PIEZO1: variants seen among roughly 807,000 people sequenced by gnomAD.
PIEZO1 encodes piezo type mechanosensitive ion channel component 1 (Er blood group).
In PIEZO1, 296 loss-of-function variants were observed where a neutral mutation model predicts 297.2. The ratio of observed to expected loss-of-function variants is 1.00; its 90% CI spans 0.91 to 1.10. The LOEUF (loss-of-function observed/expected upper bound fraction) is 1.10, where lower values mean the gene tolerates loss of function less well. PIEZO1 is among the 50% of genes least tolerant of loss of function. The pLI, the probability that PIEZO1 is intolerant of heterozygous loss-of-function variation, is 0.00. For synonymous variants in PIEZO1, 2,427 were observed against 1,507.5 expected (o/e 1.61, Z -14.13); for missense variants, 5,018 against 3,455.5 (o/e 1.45, Z -11.34).
chr16:88,738,270 G>T lies in PIEZO1; in HGVS notation c.805C>A (p.Pro269Thr), dbSNP rs945103309. ...GGCGGGAGCAGAGCCTGTGCCAAGGGCATCTGGTAGCAGTAGAGGCAGATG... is the reference window on the plus strand; with the variant it reads ...GGCGGGAGCAGAGCCTGTGCCAAGGTCATCTGGTAGCAGTAGAGGCAGATG... ...HLICLYCYQM[P>T]LAQALLPPAG... Residue 269 changes from proline to threonine, a missense_variant, in exon 7 of 51, where the codon CCC becomes ACC. Pro to Thr is a conservative substitution (Grantham distance 38). Coordinates refer to ENST00000301015, the MANE Select transcript of PIEZO1 (RefSeq NM_001142864.4). 6.5e-7 allele frequency: 1 copy of T among 1,535,894 alleles called. No individual in the cohort carries two copies. Among genetic ancestry groups the T allele is most frequent in the African/African-American group, 1.4e-5 (1 of 73,174 alleles).
chr16:88,750,626 A>G (rs893460791), intron 1 of PIEZO1, among the ~76,000 whole-genome samples: 6 of 152,190 alleles, frequency 3.9e-5, no homozygotes, highest in African/African-American at 1.4e-4. Flanking sequence ...TGATCTGATA[A>G]GGTCTGGAGT....
intron 2 of PIEZO1, chr16:88,743,808 C>T (rs1905859582): frequency 2.6e-6 from 1 of 378,480 alleles, no homozygotes; most frequent in Admixed American, 3.1e-5. Context: ...CTCACACCTT[C>T]CTAGGGTTGC....
At chr16:88,778,222 G>A (rs1047865155) in intron 1 of PIEZO1, among the ~76,000 whole-genome samples, 2 of 152,168 alleles carry the variant, frequency 1.3e-5, no homozygotes, top group Non-Finnish European at 2.9e-5. Context: ...TGGGGGTAGA[G>A]CTGTGGCACC....
At chr16:88,730,987 C>T (rs1004241223) in intron 22 of PIEZO1, among the ~76,000 whole-genome samples, 1 of 151,450 alleles carries the variant, frequency 6.6e-6, no homozygotes, top group East Asian at 1.9e-4. Context: ...GCAGGTGGGA[C>T]GCCCCTGAGC....
Position 88,736,172 on chromosome 16 carries a change from G to A in PIEZO1, c.1533C>T (p.Tyr511=), listed in dbSNP as rs1404267809. ...LRQLGLEHTR[Y]PCLDLGAMLL... ...CCATGGCACCAAGGTCCAGACAGGG[G>A]TAGCGGGTGTGCTCCAGCCCCAGCT... The change falls in exon 12 of 51, where the codon TAC becomes TAT. Residue 511 remains tyrosine, a synonymous_variant. Transcript: ENST00000301015. The A allele has an allele frequency of 1.3e-6, 2 of 1,548,364 alleles. No homozygotes were observed. The highest frequency in any genetic ancestry group is 2.7e-5 in the African/African-American group (2 of 73,008).
chr16:88,725,890 G>T lies in PIEZO1; in HGVS notation c.3969-206C>A, dbSNP rs529986994. 3 of 584,466 alleles carry T rather than the reference G, an allele frequency of 5.1e-6. No homozygotes were observed. In the Admixed American group the frequency reaches 9.4e-5, roughly 18 times the overall value. The allele number at this position is 584,466 out of a possible 1,614,324, so 36.2% of individuals were successfully genotyped here. Reference sequence around the variant, plus strand: ...CAGGCCCTTCTGCCGTACAGATGCAGGGGCGTCTGGTGGCACCCACCCCAC... The same window carrying T: ...CAGGCCCTTCTGCCGTACAGATGCATGGGCGTCTGGTGGCACCCACCCCAC... On this transcript the variant is annotated intron_variant, in intron 27 of 50. Coordinates refer to ENST00000301015, the MANE Select transcript of PIEZO1 (RefSeq NM_001142864.4).
intron 1 of PIEZO1, among the ~76,000 whole-genome samples, chr16:88,751,767 C>T (rs1449874854): frequency 1.3e-5 from 2 of 152,176 alleles, no homozygotes; most frequent in African/African-American, 4.8e-5. Flanking sequence ...TTCTCCACAG[C>T]TGCACTTTTC....
Position 88,725,619 on chromosome 16 carries a change from T to C in PIEZO1, c.4034A>G (p.Lys1345Arg). 1.9e-6 allele frequency: 3 copies of C among 1,549,598 alleles called. No homozygotes were observed. The highest frequency in any genetic ancestry group is 2.6e-6 in the Non-Finnish European group (3 of 1,146,064). ...SIDFHRRIEE[K>R]SLAQLKRQME... ...CTGTCTTTTCAGCTGGGCCAGGGAC[T>C]TCTCCTCTATCCTGCGGTGAAAGTC... The change falls in exon 28 of 51, where the codon AAG becomes AGG. Residue 1345 changes from lysine (K) to arginine (R), a missense_variant. By Grantham distance (26) the Lys-to-Arg change is conservative (BLOSUM62 2). Transcript: ENST00000301015.
Position 88,738,240 on chromosome 16 carries a change from C to T in PIEZO1, c.835G>A (p.Gly279Ser), listed in dbSNP as rs188815734. 8.7e-4 allele frequency: 1,335 copies of T among 1,535,792 alleles called. 7 individuals are homozygous for T. The African/African-American group carries it at 9.7e-3, about 11-fold the overall frequency. ...PLAQALLPPA[G>S]IWARVLGLKD... ...GCAAGCCGTTACCTAGCCCAGATGC[C>T]GGCAGGCGGGAGCAGAGCCTGTGCC... The change falls in exon 7 of 51, where the codon GGC (glycine) becomes AGC (serine). Residue 279 changes from glycine to serine, a missense_variant. By Grantham distance (56) the Gly-to-Ser change is moderately conservative (BLOSUM62 0). Transcript: ENST00000301015.
intron 2 of PIEZO1, among the ~76,000 whole-genome samples, chr16:88,749,021 A>C (rs561676316): frequency 2.0e-5 from 3 of 149,782 alleles, no homozygotes; most frequent in African/African-American, 4.9e-5. Flanking sequence ...GCGGATCACA[A>C]GGTCAGGAGA....
chr16:88,723,870 C>T lies in PIEZO1; in HGVS notation c.4335+1G>A. ...GGGCCGACGGGGCTCTCCCACCTCA[C>T]CTGGAAGGCACTCTGTGCCGACGGC... On this transcript the variant is annotated splice_donor_variant, in intron 31 of 50. Transcript: ENST00000301015. LOFTEE classifies it high-confidence loss of function. 1 of 1,507,284 alleles carries T rather than the reference C, an allele frequency of 6.6e-7. No individual in the cohort carries two copies. The highest frequency in any genetic ancestry group is 9.0e-7 in the Non-Finnish European group (1 of 1,107,512). 93.4% of individuals were successfully genotyped at this position (1,507,284 alleles called of 1,614,324 possible). A position where few individuals can be genotyped will look rare whatever the true frequency, so the allele number is the denominator to read the frequency against.
rs1289139051 is a variant in PIEZO1, at chr16:88,738,340, G to A, written c.735C>T (p.Phe245=). The A allele has an allele frequency of 2.0e-6, 3 of 1,535,802 alleles. No individual in the cohort carries two copies. The highest frequency in any genetic ancestry group is 2.4e-5 in the East Asian group (1 of 40,932). The change falls in exon 7 of 51, where the codon TTC becomes TTT. Residue 245 remains phenylalanine, a synonymous_variant. Transcript: ENST00000301015. ...ACCCCACCGCGACGCAGAGTCTGCTGAAGCCCCGAGTGCTGATGGGAAAGT... is the reference window on the plus strand; with the variant it reads ...ACCCCACCGCGACGCAGAGTCTGCTAAAGCCCCGAGTGCTGATGGGAAAGT... ...ACHFPISTRG[F]SRLCVAVGCF... is the part of the protein sequence containing the mutation.
Position 88,723,231 on chromosome 16 carries a change from G to A in PIEZO1, c.4433C>T (p.Pro1478Leu). 1.3e-6 allele frequency: 2 copies of A among 1,547,474 alleles called. No individual in the cohort carries two copies. Among genetic ancestry groups the A allele is most frequent in the Non-Finnish European group, 1.7e-6 (2 of 1,146,836 alleles). The change falls in exon 32 of 51, where the codon CCC (proline) becomes CTC (leucine). Residue 1478 changes from proline to leucine, a missense_variant. Coordinates refer to ENST00000301015, the MANE Select transcript of PIEZO1 (RefSeq NM_001142864.4). ...CCCCACGCCCCCCAGCTCACCTGTGGGTAGCTGTCCTGCCTGTTCCTGCCT... is the reference window on the plus strand; with the variant it reads ...CCCCACGCCCCCCAGCTCACCTGTGAGTAGCTGTCCTGCCTGTTCCTGCCT... ...QARQEQAGQL[P>L]TGGGPSQEVE... is the part of the protein sequence containing the mutation.
intron 1 of PIEZO1, among the ~76,000 whole-genome samples, chr16:88,752,458 G>A (rs751567892): frequency 2.8e-4 from 42 of 152,202 alleles, no homozygotes; most frequent in Non-Finnish European, 5.0e-4. Context: ...CTCCAGCCTG[G>A]GCGACAGGGT....
chr16:88,727,749 C>G, intron 22 of PIEZO1, 88 bp from the exon 23 acceptor site: 1 of 598,578 alleles, frequency 1.7e-6, no homozygotes, highest in Non-Finnish European at 2.8e-6. Context: ...GAGTCTATCA[C>G]CAGCCCTCAG....
At chr16:88,779,803 G>A (rs1907846553) in intron 1 of PIEZO1, among the ~76,000 whole-genome samples, 2 of 152,172 alleles carry the variant, frequency 1.3e-5, no homozygotes, top group South Asian at 2.1e-4. Context: ...CTCCATGGAG[G>A]CCCGACGGAC....
In PIEZO1 at chr16:88,784,889, C is replaced by A. The variant is rs1207737714; in HGVS notation, c.64+12G>T. 1 of 1,433,648 alleles carries A rather than the reference C, an allele frequency of 7.0e-7. No homozygotes were observed. Among genetic ancestry groups the A allele is most frequent in the Non-Finnish European group, 9.2e-7 (1 of 1,090,264 alleles). 88.8% of individuals were successfully genotyped at this position (1,433,648 alleles called of 1,614,324 possible). A position where few individuals can be genotyped will look rare whatever the true frequency, so the allele number is the denominator to read the frequency against. ...CCCTCCCGTCGCCCCCAGGCGCCCG[C>A]CCCCCACTCACCAGCCAGCAGCGCG... On this transcript the variant is annotated intron_variant, in intron 1 of 50. Transcript: ENST00000301015.
intron 27 of PIEZO1, 194 bp downstream of exon 27, chr16:88,726,090 A>T: frequency 1.7e-6 from 1 of 601,230 alleles, no homozygotes; most frequent in Non-Finnish European, 2.9e-6. Flanking sequence ...TCTCTGACAG[A>T]CCCAGCACTG....
chr16:88,763,178 G>A (rs767153227), intron 1 of PIEZO1, among the ~76,000 whole-genome samples: 1 of 152,204 alleles, frequency 6.6e-6, no homozygotes, highest in Non-Finnish European at 1.5e-5. Context: ...TCCGGAGATA[G>A]GGATGAGACG....
Sources: allele counts gnomAD v4.1 joint callset (sites outside exome capture counted in the v4.1 genomes callset), GRCh38; gene constraint gnomAD v4.1.1; transcripts MANE v1.5; gene names NCBI Gene and HGNC (gene_info 2026-07-23, HGNC 2026-07-21).